KAT6B: variants seen among roughly 807,000 people sequenced by gnomAD.
The protein encoded by KAT6B is histone acetyltransferase KAT6B.
KAT6B carries 10 observed loss-of-function variants against 187.5 expected under a neutral mutation model. The observed-to-expected ratio is 0.05, with a 90% CI of 0.03 to 0.09. KAT6B has a LOEUF of 0.09. Ranked by LOEUF, KAT6B falls within the 10% of genes least tolerant of loss-of-function variation. KAT6B has a pLI of 1.00. For synonymous variants in KAT6B, 861 were observed against 926.8 expected (o/e 0.93, Z 1.29); for missense variants, 1,952 against 2,558.9 (o/e 0.76, Z 5.12).
At chr10:74,907,644 C>T (rs146406989) in intron 3 of KAT6B, among the ~76,000 whole-genome samples, 4,100 of 152,178 alleles carry the variant, frequency 0.027, 84 homozygotes, top group Middle Eastern at 0.082. Flanking sequence ...ATTCTCCTAC[C>T]TCAGCTTCCC....
chr10:74,981,336 TTCC>T (rs1344079151), intron 10 of KAT6B, among the ~76,000 whole-genome samples: 2 of 149,522 alleles, frequency 1.3e-5, no homozygotes, highest in Non-Finnish European at 2.9e-5. Context: ...CCTTCCTTCC[TTCC>T]TTTCTTCCTT....
At chr10:74,959,857 T>C (rs1840969998) in intron 3 of KAT6B, 113 bp from the exon 4 acceptor site, 2 of 742,080 alleles carry the variant, frequency 2.7e-6, no homozygotes, top group African/African-American at 3.5e-5. Context: ...GCAGTTTTTC[T>C]TTGTTAAAGA....
intron 3 of KAT6B, among the ~76,000 whole-genome samples, chr10:74,945,999 A>T (rs781354711): frequency 2.6e-5 from 4 of 152,236 alleles, no homozygotes; most frequent in African/African-American, 4.8e-5. Flanking sequence ...TTTCTGAAAT[A>T]GATCGTGTAA....
intron 3 of KAT6B, among the ~76,000 whole-genome samples, chr10:74,869,458 G>A (rs565890066): frequency 6.6e-6 from 1 of 152,140 alleles, no homozygotes; most frequent in South Asian, 2.1e-4. Context: ...GCTAATTTTT[G>A]TATTTTTAGT....
intron 3 of KAT6B, among the ~76,000 whole-genome samples, chr10:74,915,805 C>T (rs1237908710): frequency 6.6e-6 from 1 of 152,172 alleles, no homozygotes; most frequent in Non-Finnish European, 1.5e-5. Flanking sequence ...TGCTCATTGC[C>T]ACTGTTATTG....
intron 1 of KAT6B, among the ~76,000 whole-genome samples, chr10:74,830,744 A>G (rs1412748784): frequency 2.0e-4 from 3 of 15,030 alleles, no homozygotes; most frequent in African/African-American, 7.1e-4. Context: ...ATATATATAT[A>G]TATATATATA....
intron 3 of KAT6B, among the ~76,000 whole-genome samples, chr10:74,855,126 A>G (rs928216646): frequency 2.0e-5 from 3 of 152,226 alleles, no homozygotes; most frequent in Non-Finnish European, 2.9e-5. Flanking sequence ...CCACAATTCA[A>G]GGGAAGGAGT....
intron 3 of KAT6B, among the ~76,000 whole-genome samples, chr10:74,916,099 T>TTTTTCTTCTTTTTTTTCTTCTTTTTC (rs1847658367): frequency 6.6e-6 from 1 of 152,016 alleles, no homozygotes; most frequent in African/African-American, 2.4e-5. Context: ...GAGGCGGAGG[T>TTTTTCTTCTTTTTTTTCTTCTTTTTC]TGCAGTGAGC....
intron 1 of KAT6B, among the ~76,000 whole-genome samples, chr10:74,828,209 G>A (rs995967324): frequency 1.3e-5 from 2 of 152,178 alleles, no homozygotes; most frequent in African/African-American, 2.4e-5. Flanking sequence ...ATTGGTAGAA[G>A]GTGTTGGGAC....
At position 74,894,548 on chromosome 10, in the gene KAT6B, T is replaced by G. The variant is rs1024451643; in HGVS notation, c.621+51070T>G. 2.0e-5 allele frequency among the ~76,000 whole-genome samples: 3 copies of G among 152,236 alleles called. 1 individual carries two copies. The highest frequency in any genetic ancestry group is 4.4e-5 in the Non-Finnish European group (3 of 68,044). On this transcript the variant is annotated intron_variant, in intron 3 of 17. Coordinates refer to ENST00000287239, the MANE Select transcript of KAT6B (RefSeq NM_012330.4). ...TTTTTATCTTGTAAAACCGAAACTCTGTACCCAGGAAGCAATTCCTGATTC... is the reference window on the plus strand; with the variant it reads ...TTTTTATCTTGTAAAACCGAAACTCGGTACCCAGGAAGCAATTCCTGATTC...
intron 3 of KAT6B, among the ~76,000 whole-genome samples, chr10:74,942,765 CAAAAAAAAAAA>C (rs56276008): frequency 1.3e-3 from 12 of 9,356 alleles, no homozygotes; most frequent in Non-Finnish European, 2.2e-3. Flanking sequence ...AACTCCATCG[CAAAAAAAAAAA>C]AAAAAAAAAA....
rs1842112002 is a variant in KAT6B at position 74,975,729 on chromosome 10, A to G, written c.1392A>G (p.Pro464=). The G allele has an allele frequency of 2.5e-6, 4 of 1,614,096 alleles. No individual in the cohort carries two copies. The highest frequency in any genetic ancestry group is 1.3e-5 in the African/African-American group (1 of 74,924). ...TAGACTTTTCAAAGCACTATCGTCCAAGGAAAAAGGTCTCTCAGAAACAGT... is the reference window on the plus strand; with the variant it reads ...TAGACTTTTCAAAGCACTATCGTCCGAGGAAAAAGGTCTCTCAGAAACAGT... ...EIIDFSKHYR[P]RKKVSQKQSC... is the part of the protein sequence containing the mutation. Residue 464 remains proline, a synonymous_variant, in exon 8 of 18, where the codon CCA becomes CCG. Coordinates refer to ENST00000287239, the MANE Select transcript of KAT6B (RefSeq NM_012330.4).
intron 8 of KAT6B, chr10:74,977,052 C>G (rs1235473076): frequency 2.7e-6 from 1 of 366,492 alleles, no homozygotes; most frequent in Non-Finnish European, 5.1e-6. Context: ...TATGATTTCA[C>G]TTTGTATTGC....
At position 74,975,768 on chromosome 10, in the gene KAT6B, T is replaced by A. The variant is rs1842115177; in HGVS notation, c.1431T>A (p.His477Gln). The A allele has an allele frequency of 6.2e-7, 1 of 1,614,228 alleles. No homozygotes were observed. Among genetic ancestry groups the A allele is most frequent in the East Asian group, 2.2e-5 (1 of 44,892 alleles). Residue 477 changes from histidine (H) to glutamine (Q), a missense_variant, in exon 8 of 18, where the codon CAT (histidine) becomes CAA (glutamine). By Grantham distance (24) the His-to-Gln change is conservative (BLOSUM62 0). Transcript: ENST00000287239. ...KVSQKQSCTS[H>Q]VLATGTTQKL... is the part of the protein sequence containing the mutation. ...CTCAGAAACAGTCATGCACTTCTCA[T>A]GTGTTGGCTACAGGTACCACACAAA...
chr10:74,931,845 G>T (rs965155730), intron 3 of KAT6B, among the ~76,000 whole-genome samples: 2 of 152,186 alleles, frequency 1.3e-5, no homozygotes, highest in South Asian at 4.1e-4. Flanking sequence ...CCGAGTAGCT[G>T]GGATTACAGG....
At position 74,887,218 on chromosome 10, in the gene KAT6B, G is replaced by A. The variant is rs1342293382; in HGVS notation, c.621+43740G>A. Among the ~76,000 whole-genome samples, 2 of 152,164 alleles carry A rather than the reference G, an allele frequency of 1.3e-5. 1 individual carries two copies. The highest frequency in any genetic ancestry group is 4.8e-5 in the African/African-American group (2 of 41,410). On this transcript the variant is annotated intron_variant, in intron 3 of 17. Transcript: ENST00000287239. ...GCAGTATGTTACATCTGAGACTACA[G>A]GAGAGAGGGGTGGGGTGACAGTCTT...
intron 13 of KAT6B, among the ~76,000 whole-genome samples, chr10:75,004,358 TG>T (rs947521003): frequency 6.6e-6 from 1 of 152,208 alleles, no homozygotes; most frequent in African/African-American, 2.4e-5. Context: ...TCCACTTCTT[TG>T]TATGACTGTC....
At position 74,976,141 on chromosome 10, in the gene KAT6B, T is replaced by A. The variant is rs1842146207; in HGVS notation, c.1804T>A (p.Ser602Thr). The change falls in exon 8 of 18, where the codon TCC becomes ACC. Residue 602 changes from serine (S) to threonine (T), a missense_variant. Physicochemically the swap from Ser to Thr is moderately conservative, Grantham distance 58 (BLOSUM62 1). This residue lies in a region of KAT6B where 417 missense variants were observed against 508.9 expected (regional missense o/e 0.82). Coordinates refer to ENST00000287239, the MANE Select transcript of KAT6B (RefSeq NM_012330.4). ...DIRSRFISHS[S>T]SSSWGMARGS... ...TAGAAGTCGGTTTATTTCTCACTCC[T>A]CCTCCTCTAGCTGGGGGATGGCTAG... 6.2e-7 allele frequency: 1 copy of A among 1,614,148 alleles called. No individual in the cohort carries two copies. Among genetic ancestry groups the A allele is most frequent in the Non-Finnish European group, 8.5e-7 (1 of 1,180,004 alleles).
intron 13 of KAT6B, among the ~76,000 whole-genome samples, chr10:75,012,180 G>A (rs1303389289): frequency 6.6e-6 from 1 of 152,152 alleles, no homozygotes; most frequent in Non-Finnish European, 1.5e-5. Context: ...AGGTGCAATG[G>A]CTCACACCTG....
Sources: gnomAD v4.1 joint callset for allele counts (sites outside exome capture counted in the v4.1 genomes callset) on GRCh38, gnomAD v4.1.1 for gene constraint, gnomAD v4.1.1 regional missense constraint, MANE v1.5 for transcripts, NCBI Gene and HGNC (gene_info 2026-07-23, HGNC 2026-07-21) for gene names.